The following FAM193A variants were observed in gnomAD, a reference collection of about 807,000 sequenced individuals.
FAM193A encodes protein FAM193A.
FAM193A carries 22 observed loss-of-function variants against 126.5 expected under a neutral mutation model. The observed-to-expected ratio is 0.17, with a 90% confidence interval of 0.12 to 0.25. The LOEUF (loss-of-function observed/expected upper bound fraction) is 0.25. Among genes scored for constraint, FAM193A ranks in the 10% least tolerant of loss-of-function variants. The pLI is 1.00. For synonymous variants in FAM193A, 761 were observed against 646.8 expected (o/e 1.18, Z -2.68); for missense variants, 1,675 against 1,672.8 (o/e 1.00, Z -0.02).
intron 4 of FAM193A, among the ~76,000 whole-genome samples, chr4:2,630,338 A>AG (rs1743435492): frequency 6.6e-6 from 1 of 151,900 alleles, no homozygotes; most frequent in Admixed American, 6.6e-5. Context: ...GTTAAAAAAA[A>AG]AAGATAAACT....
At chr4:2,612,318 G>A (rs1307423463) in intron 2 of FAM193A, among the ~76,000 whole-genome samples, 1 of 151,730 alleles carries the variant, frequency 6.6e-6, no homozygotes, top group Non-Finnish European at 1.5e-5. Flanking sequence ...TGACCAACAT[G>A]GAGTAACCCT....
At chr4:2,631,861 C>T (rs967802949) in intron 5 of FAM193A, among the ~76,000 whole-genome samples, 2 of 152,184 alleles carry the variant, frequency 1.3e-5, no homozygotes, top group Non-Finnish European at 2.9e-5. Flanking sequence ...CCTCAGTGCC[C>T]CCACGCTTTG....
chr4:2,584,847 C>T (rs1740145316), intron 1 of FAM193A, among the ~76,000 whole-genome samples: 1 of 152,080 alleles, frequency 6.6e-6, no homozygotes, highest in African/African-American at 2.4e-5. Flanking sequence ...ATTGCTTCAA[C>T]CCAGGTGACG....
intron 1 of FAM193A, among the ~76,000 whole-genome samples, chr4:2,566,734 G>A (rs1010343049): frequency 6.6e-6 from 1 of 152,022 alleles, no homozygotes; most frequent in Admixed American, 6.5e-5. Flanking sequence ...GTGTGTGTGT[G>A]TATATTTGCT....
intron 13 of FAM193A, among the ~76,000 whole-genome samples, chr4:2,687,550 G>A (rs1715879548): frequency 6.6e-6 from 1 of 152,174 alleles, no homozygotes; most frequent in South Asian, 2.1e-4. Context: ...ACCTGACCGT[G>A]CCTCCTCATA....
At chr4:2,616,778 G>T (rs1211741175) in intron 2 of FAM193A, among the ~76,000 whole-genome samples, 1 of 151,550 alleles carries the variant, frequency 6.6e-6, no homozygotes, top group African/African-American at 2.4e-5. Flanking sequence ...TTATTAGCCA[G>T]GATGGTCTTG....
At chr4:2,707,082 A>G (rs867264989) in intron 19 of FAM193A, among the ~76,000 whole-genome samples, 35 of 152,178 alleles carry the variant, frequency 2.3e-4, no homozygotes, top group African/African-American at 7.2e-4. Context: ...AGGTTGCTCC[A>G]CTGCGCTCCA....
intron 1 of FAM193A, among the ~76,000 whole-genome samples, chr4:2,569,124 C>T (rs981802896): frequency 8.6e-5 from 13 of 151,866 alleles, no homozygotes; most frequent in Admixed American, 1.3e-4. Flanking sequence ...TGTGCATCAC[C>T]GCACCTGGGT....
intron 1 of FAM193A, among the ~76,000 whole-genome samples, chr4:2,537,603 G>C (rs996907176): frequency 6.6e-6 from 1 of 152,270 alleles, no homozygotes; most frequent in South Asian, 2.1e-4. Context: ...GGCGGTTCCA[G>C]AGCGACTGCG....
At chr4:2,727,791 G>A (rs1380105968) in intron 20 of FAM193A, among the ~76,000 whole-genome samples, 1 of 152,242 alleles carries the variant, frequency 6.6e-6, no homozygotes, top group South Asian at 2.1e-4. Flanking sequence ...TGGTGCCAGT[G>A]GGGCAGAGGA....
Position 2,663,349 on chromosome 4 carries a change from A to G in FAM193A, c.2079+61A>G, listed in dbSNP as rs554531661. ...TTTTCTGTGTGTATTTTCTCTAAAC[A>G]TGAGCATTACTGAATACAAAATTAT... On this transcript the variant is annotated intron_variant, in intron 12 of 20. Transcript: ENST00000637812. 38 of 1,341,480 alleles carry G rather than the reference A, an allele frequency of 2.8e-5. No homozygotes were observed. The South Asian group carries it at 5.6e-4, about 20-fold the overall frequency. 83.1% of individuals were successfully genotyped at this position (1,341,480 alleles called of 1,614,324 possible). A position where few individuals can be genotyped will look rare whatever the true frequency, so the allele number is the denominator to read the frequency against.
At chr4:2,707,382 ATTATATT>A in intron 19 of FAM193A, among the ~76,000 whole-genome samples, 1 of 152,226 alleles carries the variant, frequency 6.6e-6, no homozygotes, top group Admixed American at 6.5e-5. Flanking sequence ...CTTCTCCACC[ATTATATT>A]TTATAATTCT....
chr4:2,546,815 T>G (rs1312406634), intron 1 of FAM193A, among the ~76,000 whole-genome samples: 1 of 151,962 alleles, frequency 6.6e-6, no homozygotes, highest in Non-Finnish European at 1.5e-5. Flanking sequence ...ATGGTAACAT[T>G]ATGTGAAACC....
rs1310559478 is a variant in FAM193A at position 2,671,119 on chromosome 4, A to G, written c.2080-1002A>G. Among the ~76,000 whole-genome samples the G allele has an allele frequency of 2.0e-5, 3 of 152,248 alleles. 1 individual carries two copies. Among genetic ancestry groups the G allele is most frequent in the East Asian group, 3.9e-4 (2 of 5,182 alleles). ...TGGCTGTGGGGTGAATGCGCTCAGCACTCAGCCAGTTCTCAAGTCAGCTGT... is the reference window on the plus strand; with the variant it reads ...TGGCTGTGGGGTGAATGCGCTCAGCGCTCAGCCAGTTCTCAAGTCAGCTGT... On this transcript the variant is annotated intron_variant, in intron 12 of 20. Coordinates refer to ENST00000637812, the MANE Select transcript of FAM193A (RefSeq NM_001366318.2).
intron 5 of FAM193A, among the ~76,000 whole-genome samples, chr4:2,639,404 G>A (rs994598901): frequency 1.3e-5 from 2 of 152,114 alleles, no homozygotes; most frequent in Admixed American, 1.3e-4. Context: ...CATTTTAAAA[G>A]TATAATTGTG....
At chr4:2,682,809 C>CT (rs2109224381) in intron 13 of FAM193A, among the ~76,000 whole-genome samples, 1 of 146,890 alleles carries the variant, frequency 6.8e-6, no homozygotes, top group African/African-American at 2.4e-5. Context: ...TGTGACATTG[C>CT]TGTCATTATT....
intron 2 of FAM193A, among the ~76,000 whole-genome samples, chr4:2,612,502 ACAAC>A (rs1365565996): frequency 5.9e-5 from 9 of 152,066 alleles, no homozygotes; most frequent in African/African-American, 2.2e-4. Flanking sequence ...CCATCTCAAA[ACAAC>A]AAACAAACAA....
chr4:2,700,158 A>G lies in FAM193A; in HGVS notation c.3986A>G (p.Gln1329Arg), dbSNP rs1220237314. The stretch of plus-strand genomic sequence containing the variant: ...CTCTCTTTTTTCTTCGACATCATGC[A>G]GCACCATAAAGAAGGAAATGGCAAG... ...EPLSFFFDIM[Q>R]HHKEGNGKQK... The change falls in exon 19 of 21, where the codon CAG (glutamine) becomes CGG (arginine). Residue 1329 changes from glutamine (Q) to arginine (R), a missense_variant. This residue lies in a region of FAM193A where 415 missense variants were observed against 396.7 expected (regional missense o/e 1.05). Transcript: ENST00000637812. 6.2e-7 allele frequency: 1 copy of G among 1,613,744 alleles called. No individual in the cohort carries two copies. Among genetic ancestry groups the G allele is most frequent in the South Asian group, 1.1e-5 (1 of 91,054 alleles).
chr4:2,710,621 C>A (rs74608961), intron 19 of FAM193A, among the ~76,000 whole-genome samples: 4,778 of 151,960 alleles, frequency 0.031, 233 homozygotes, highest in African/African-American at 0.11. Context: ...TCCCCACTCA[C>A]CTTCTCAAGT....
Sources: gnomAD v4.1 joint callset for allele counts (sites outside exome capture counted in the v4.1 genomes callset) on GRCh38, gnomAD v4.1.1 for gene constraint, gnomAD v4.1.1 regional missense constraint, MANE v1.5 for transcripts, NCBI Gene and HGNC (gene_info 2026-07-23, HGNC 2026-07-21) for gene names.